ROBO2: variants seen among roughly 807,000 people sequenced by gnomAD.
The protein encoded by ROBO2 is roundabout guidance receptor 2.
In ROBO2, 53 loss-of-function variants were observed where a neutral mutation model predicts 160.8. The ratio of observed to expected loss-of-function variants is 0.33; its 90% CI spans 0.26 to 0.41. The LOEUF (loss-of-function observed/expected upper bound fraction) is 0.41, where lower values mean the gene tolerates loss of function less well. Ranked by LOEUF, ROBO2 falls within the 10% of genes least tolerant of loss-of-function variation. The pLI is 1.00. For synonymous variants in ROBO2, 664 were observed against 611.7 expected (o/e 1.09, Z -1.26); for missense variants, 1,577 against 1,722.4 (o/e 0.92, Z 1.49).
At chr3:76,656,461 C>A (rs1489048756) in intron 2 of ROBO2, among the ~76,000 whole-genome samples, 1 of 152,088 alleles carries the variant, frequency 6.6e-6, no homozygotes. Flanking sequence ...ACATTACCTG[C>A]ACTTCTTGTG....
chr3:77,121,448 T>C (rs1021484515), intron 2 of ROBO2, among the ~76,000 whole-genome samples: 1 of 152,194 alleles, frequency 6.6e-6, no homozygotes, highest in African/African-American at 2.4e-5. Flanking sequence ...ACATTTTTAA[T>C]TGGCTTCTAC....
chr3:75,968,511 A>AT (rs2064880567), intron 2 of ROBO2, among the ~76,000 whole-genome samples: 1 of 151,634 alleles, frequency 6.6e-6, no homozygotes, highest in African/African-American at 2.4e-5. Context: ...AGGCATACAC[A>AT]TATGCCATGA....
intron 2 of ROBO2, among the ~76,000 whole-genome samples, chr3:77,193,448 G>GTT (rs552295952): frequency 5.1e-4 from 62 of 121,626 alleles, no homozygotes; most frequent in African/African-American, 1.6e-3. Flanking sequence ...GCCCAGCTAA[G>GTT]TTTTTTTTTT....
At chr3:77,040,929 G>A (rs953189714) in intron 1 of ROBO2, 83 bp downstream of exon 1, 1 of 1,556,572 alleles carries the variant, frequency 6.4e-7, no homozygotes, top group East Asian at 2.2e-5. Context: ...TTTGATGTGG[G>A]TTATAAATGA....
intron 2 of ROBO2, among the ~76,000 whole-genome samples, chr3:76,208,758 T>C (rs373914201): frequency 6.6e-5 from 10 of 152,228 alleles, no homozygotes; most frequent in Admixed American, 1.3e-4. Context: ...CTGAAGCACA[T>C]GTATCCTTTC....
chr3:77,503,838 T>C (rs2088038872), intron 5 of ROBO2, among the ~76,000 whole-genome samples: 1 of 152,092 alleles, frequency 6.6e-6, no homozygotes, highest in Non-Finnish European at 1.5e-5. Context: ...AGAGAAGGGA[T>C]AAAAAAGAAT....
At position 77,067,028 on chromosome 3, in the gene ROBO2, TCACACACA is replaced by T. The variant is rs144228628; in HGVS notation, c.61+26206_61+26213del. Among the ~76,000 whole-genome samples, 10 of 136,934 alleles carry T rather than the reference TCACACACA, an allele frequency of 7.3e-5. No homozygotes were observed. In the South Asian group the frequency reaches 9.5e-4, roughly 13 times the overall value. The allele number at this position is 136,934 out of a possible 152,430, so 89.8% of individuals were successfully genotyped here. A position where few individuals can be genotyped will look rare whatever the true frequency, so the allele number is the denominator to read the frequency against. ...CTCACACACTCTCACACACACACACTCACACACACACACACACACACACACACACACTG... is the reference window on the plus strand; with the variant it reads ...CTCACACACTCTCACACACACACACTCACACACACACACACACACACACTG... On this transcript the variant is annotated intron_variant, in intron 1 of 25. Coordinates refer to ENST00000461745, the Ensembl canonical transcript of ROBO2.
intron 2 of ROBO2, among the ~76,000 whole-genome samples, chr3:76,177,072 A>T (rs546042461): frequency 1.3e-5 from 2 of 152,286 alleles, no homozygotes; most frequent in Non-Finnish European, 2.9e-5. Flanking sequence ...AGTGAATGCA[A>T]TTATAGCTAC....
rs556350723 is a variant in ROBO2 at position 76,220,474 on chromosome 3, G to T, written c.109+282872G>T. Among the ~76,000 whole-genome samples the T allele has an allele frequency of 3.3e-5, 5 of 152,240 alleles. No homozygotes were observed. In the East Asian group the frequency reaches 9.7e-4, roughly 30 times the overall value. The stretch of plus-strand genomic sequence containing the variant: ...CTTATAAAATGTGTGGAGGAGACCA[G>T]TGAGGCTGCTTTTGTCTTTCTGCCC... On this transcript the variant is annotated intron_variant, in intron 2 of 26. Coordinates refer to the ROBO2 transcript ENST00000487694.
intron 2 of ROBO2, among the ~76,000 whole-genome samples, chr3:76,447,549 C>A (rs556360583): frequency 5.8e-4 from 87 of 149,738 alleles, no homozygotes; most frequent in African/African-American, 1.6e-3. Context: ...TGAGTATATA[C>A]CCAAAGGATT....
At chr3:77,554,836 A>G (rs1721196) in intron 8 of ROBO2, among the ~76,000 whole-genome samples, 84,915 of 151,790 alleles carry the variant, frequency 0.56, 23,830 homozygotes, top group Middle Eastern at 0.68. Context: ...ATGATTCAAA[A>G]TATCACATAA....
At chr3:76,108,926 T>C (rs768898640) in intron 2 of ROBO2, among the ~76,000 whole-genome samples, 2 of 150,176 alleles carry the variant, frequency 1.3e-5, no homozygotes, top group Non-Finnish European at 3.0e-5. Context: ...TTACTATTAA[T>C]GTATTGATTT....
rs139101278 is a variant in ROBO2, at chr3:76,983,618, T to C, written c.110-114396T>C. ...GAACCTACAAGGACAAGAATACTGTTTGTTTGGTTAAATAGATTTGATCAG... is the reference window on the plus strand; with the variant it reads ...GAACCTACAAGGACAAGAATACTGTCTGTTTGGTTAAATAGATTTGATCAG... On this transcript the variant is annotated intron_variant, in intron 2 of 26. Transcript: ENST00000487694. 1.7e-3 allele frequency among the ~76,000 whole-genome samples: 255 copies of C among 152,286 alleles called. 2 individuals are homozygous for C. The highest frequency in any genetic ancestry group is 6.0e-3 in the African/African-American group (249 of 41,556).
At chr3:76,880,069 C>A (rs2148736332) in intron 2 of ROBO2, among the ~76,000 whole-genome samples, 1 of 152,150 alleles carries the variant, frequency 6.6e-6, no homozygotes, top group South Asian at 2.1e-4. Context: ...ATTCATGAAT[C>A]CTTATTTCTG....
chr3:77,120,302 C>T (rs1307661165), intron 2 of ROBO2, among the ~76,000 whole-genome samples: 2 of 152,106 alleles, frequency 1.3e-5, no homozygotes, highest in African/African-American at 4.8e-5. Context: ...AATCTAATAA[C>T]TTTACTTTGA....
In ROBO2 at chr3:77,574,739, T is replaced by C; in HGVS notation, c.2203+9T>C. On this transcript the variant is annotated intron_variant, in intron 14 of 25. Transcript: ENST00000461745. ...TCGTACTACTGAAGAAGGTCAGTATTCAGATTTCGAATATAAATCAAACAT... is the reference window on the plus strand; with the variant it reads ...TCGTACTACTGAAGAAGGTCAGTATCCAGATTTCGAATATAAATCAAACAT... 6.2e-7 allele frequency: 1 copy of C among 1,602,920 alleles called. No homozygotes were observed. The highest frequency in any genetic ancestry group is 2.2e-5 in the East Asian group (1 of 44,688).
At chr3:76,972,319 C>T (rs7630656) in intron 2 of ROBO2, among the ~76,000 whole-genome samples, 11,857 of 151,922 alleles carry the variant, frequency 0.078, 1,563 homozygotes, top group African/African-American at 0.27. Context: ...GATTGATTTC[C>T]TTTGGGGGAA....
chr3:76,168,774 A>C (rs2072927418), intron 2 of ROBO2, among the ~76,000 whole-genome samples: 2 of 152,040 alleles, frequency 1.3e-5, no homozygotes, highest in East Asian at 3.9e-4. Context: ...TATGATAAAT[A>C]AAATATAAGT....
chr3:76,764,998 A>T (rs1047306528), intron 2 of ROBO2, among the ~76,000 whole-genome samples: 1 of 151,606 alleles, frequency 6.6e-6, no homozygotes, highest in Admixed American at 6.6e-5. Context: ...CTGTTAGTGC[A>T]CCCTTCACCC....
Sources: allele counts gnomAD v4.1 joint callset (sites outside exome capture counted in the v4.1 genomes callset), GRCh38; gene constraint gnomAD v4.1.1; transcripts MANE v1.5; gene names NCBI Gene and HGNC (gene_info 2026-07-23, HGNC 2026-07-21).